MAF: variants seen among roughly 807,000 people sequenced by gnomAD.
MAF encodes the protein transcription factor Maf.
In MAF, 10 loss-of-function variants were observed where a neutral mutation model predicts 22.0. The observed-to-expected ratio is 0.45, with a 90% CI of 0.28 to 0.77. The LOEUF (loss-of-function observed/expected upper bound fraction) is 0.77. MAF is among the 30% of genes least tolerant of loss of function. The pLI, the probability that MAF is intolerant of heterozygous loss-of-function variation, is 0.12. For synonymous variants in MAF, 337 were observed against 255.8 expected (o/e 1.32, Z -3.03); for missense variants, 544 against 548.4 (o/e 0.99, Z 0.08).
At chr16:79,258,168 G>C in the MAF span, among the ~76,000 whole-genome samples, 2 of 152,212 alleles carry the variant, frequency 1.3e-5, no homozygotes, top group Admixed American at 6.5e-5. Flanking sequence ...AGGAGGAGGA[G>C]TGAGACGCCT....
chr16:79,379,006 C>G, the MAF span, among the ~76,000 whole-genome samples: 4 of 152,294 alleles, frequency 2.6e-5, no homozygotes, highest in Admixed American at 6.5e-5. Context: ...CTCTCAGGAC[C>G]ATTATTCTGA....
the MAF span, among the ~76,000 whole-genome samples, chr16:79,242,138 C>T: frequency 6.6e-6 from 1 of 151,748 alleles, no homozygotes; most frequent in South Asian, 2.1e-4. Context: ...CAGCAACTAA[C>T]AAATATAACC....
At chr16:79,394,733 C>T in the MAF span, among the ~76,000 whole-genome samples, 3 of 152,178 alleles carry the variant, frequency 2.0e-5, no homozygotes, top group African/African-American at 7.2e-5. Flanking sequence ...TGCCTGCCTC[C>T]CATACCCAGA....
chr16:79,405,655 G>T, the MAF span, among the ~76,000 whole-genome samples: 17 of 152,298 alleles, frequency 1.1e-4, no homozygotes, highest in Non-Finnish European at 2.2e-4. Flanking sequence ...CCTGAAGAAA[G>T]ACTTCGAATG....
the MAF span, among the ~76,000 whole-genome samples, chr16:79,490,928 G>T: frequency 6.6e-6 from 1 of 152,146 alleles, no homozygotes; most frequent in Admixed American, 6.5e-5. Flanking sequence ...ATGTTTTCTG[G>T]CATTATGATC....
chr16:79,421,005 G>A, the MAF span, among the ~76,000 whole-genome samples: 1 of 151,206 alleles, frequency 6.6e-6, no homozygotes, highest in Admixed American at 6.6e-5. Flanking sequence ...CTTCACTCCA[G>A]CCTGGTGACA....
the MAF span, among the ~76,000 whole-genome samples, chr16:79,532,918 T>C: frequency 2.0e-5 from 3 of 152,164 alleles, no homozygotes; most frequent in South Asian, 4.1e-4. Flanking sequence ...TATCCAAATA[T>C]CCAATATCAT....
At chr16:79,339,402 T>C in the MAF span, among the ~76,000 whole-genome samples, 1 of 152,180 alleles carries the variant, frequency 6.6e-6, no homozygotes, top group Non-Finnish European at 1.5e-5. Context: ...CTCCATGCTC[T>C]TCTCCTTCTG....
At chr16:79,294,101 C>T in the MAF span, among the ~76,000 whole-genome samples, 1 of 152,132 alleles carries the variant, frequency 6.6e-6, no homozygotes, top group African/African-American at 2.4e-5. Context: ...ACCTTCTGCA[C>T]GAGTGTTCTG....
chr16:79,360,402 G>C, the MAF span, among the ~76,000 whole-genome samples: 2 of 152,112 alleles, frequency 1.3e-5, no homozygotes, highest in African/African-American at 4.8e-5. Context: ...TTTGGAGCAA[G>C]ACAGACCTGA....
chr16:79,507,954 T>C, the MAF span, among the ~76,000 whole-genome samples: 3 of 151,978 alleles, frequency 2.0e-5, no homozygotes, highest in Admixed American at 6.6e-5. Context: ...TCTTTTTAAG[T>C]GGGGGAAAGG....
At chr16:79,388,917 G>A in the MAF span, among the ~76,000 whole-genome samples, 1 of 152,172 alleles carries the variant, frequency 6.6e-6, no homozygotes, top group South Asian at 2.1e-4. Flanking sequence ...TGCAGTTTAT[G>A]CCTTTTCCAA....
chr16:79,560,061 T>C, the MAF span, among the ~76,000 whole-genome samples: 2 of 152,090 alleles, frequency 1.3e-5, no homozygotes, highest in Admixed American at 6.5e-5. Context: ...TGGGCCACCA[T>C]GTGTGGCTGA....
At chr16:79,234,604 A>G in the MAF span, among the ~76,000 whole-genome samples, 14 of 152,120 alleles carry the variant, frequency 9.2e-5, no homozygotes, top group African/African-American at 3.4e-4. Context: ...CCTCCCAAAG[A>G]AAGAGCAACA....
chr16:79,380,168 C>T, the MAF span, among the ~76,000 whole-genome samples: 1 of 152,106 alleles, frequency 6.6e-6, no homozygotes, highest in Non-Finnish European at 1.5e-5. Context: ...TCAAAAATCC[C>T]AGTTTCCTAT....
chr16:79,470,948 G>A, the MAF span, among the ~76,000 whole-genome samples: 3 of 152,258 alleles, frequency 2.0e-5, no homozygotes, highest in African/African-American at 7.2e-5. Context: ...AATGAATAAA[G>A]TATCTTATAT....
the MAF span, among the ~76,000 whole-genome samples, chr16:79,311,334 C>A: frequency 6.6e-6 from 1 of 152,078 alleles, no homozygotes; most frequent in South Asian, 2.1e-4. Context: ...GGTATTGGCC[C>A]TTTCCTACTT....
At chr16:79,440,376 C>T in the MAF span, among the ~76,000 whole-genome samples, 19 of 152,166 alleles carry the variant, frequency 1.2e-4, no homozygotes, top group African/African-American at 3.6e-4. Flanking sequence ...CAGGAAGTCC[C>T]GACCAGGTGC....
At chr16:79,319,667 T>G in the MAF span, among the ~76,000 whole-genome samples, 78 of 152,106 alleles carry the variant, frequency 5.1e-4, no homozygotes, top group Non-Finnish European at 9.3e-4. Flanking sequence ...TCCATTGATT[T>G]ATGTATTTGC....
Sources: allele counts gnomAD v4.1 joint callset (sites outside exome capture counted in the v4.1 genomes callset), GRCh38; gene constraint gnomAD v4.1.1; transcripts MANE v1.5; gene names NCBI Gene and HGNC (gene_info 2026-07-23, HGNC 2026-07-21).